ANGPT1: variants seen among roughly 807,000 people sequenced by gnomAD.
The protein encoded by ANGPT1 is angiopoietin 1.
ANGPT1 carries 17 observed loss-of-function variants against 62.2 expected under a neutral mutation model. The observed-to-expected ratio is 0.27, with a 90% CI of 0.19 to 0.41. ANGPT1 has a LOEUF of 0.41. ANGPT1 is among the 10% of genes least tolerant of loss of function. The pLI is 1.00. For synonymous variants in ANGPT1, 199 were observed against 198.9 expected (o/e 1.00, Z 0.00); for missense variants, 478 against 594.9 (o/e 0.80, Z 2.04).
At chr8:107,282,908 C>T (rs62512817) in intron 7 of ANGPT1, among the ~76,000 whole-genome samples, 44,257 of 151,670 alleles carry the variant, frequency 0.29, 7,432 homozygotes, top group Admixed American at 0.4. Flanking sequence ...TCATACACTC[C>T]GAAGTGCACC....
At chr8:107,261,002 T>C (rs1813477281) in intron 8 of ANGPT1, among the ~76,000 whole-genome samples, 1 of 152,222 alleles carries the variant, frequency 6.6e-6, no homozygotes, top group South Asian at 2.1e-4. Flanking sequence ...AATATGAACA[T>C]ATTGGAATAC....
At chr8:107,470,151 T>C (rs1319113198) in intron 1 of ANGPT1, among the ~76,000 whole-genome samples, 1 of 136,552 alleles carries the variant, frequency 7.3e-6, no homozygotes, top group East Asian at 2.3e-4. Context: ...GAATATTTTG[T>C]TTTACAATAA....
intron 1 of ANGPT1, among the ~76,000 whole-genome samples, chr8:107,437,661 A>C (rs1441824538): frequency 1.3e-5 from 2 of 152,178 alleles, no homozygotes; most frequent in Non-Finnish European, 2.9e-5. Flanking sequence ...GGCTCTATTA[A>C]ACATGCTAAA....
intron 1 of ANGPT1, among the ~76,000 whole-genome samples, chr8:107,404,595 C>G (rs1198472841): frequency 6.6e-6 from 1 of 152,018 alleles, no homozygotes; most frequent in Non-Finnish European, 1.5e-5. Context: ...AAACATTCTT[C>G]TTTTGATGGA....
In ANGPT1 at chr8:107,313,429, G is replaced by GTTTT. The variant is rs71308720; in HGVS notation, c.808+8463_808+8466dup. Among the ~76,000 whole-genome samples, 474 of 64,196 alleles carry GTTTT rather than the reference G, an allele frequency of 7.4e-3. 128 individuals are homozygous for GTTTT. Among genetic ancestry groups the GTTTT allele is most frequent in the East Asian group, 0.012 (22 of 1,830 alleles). The allele number at this position is 64,196 out of a possible 152,430, so 42.1% of individuals were successfully genotyped here. On this transcript the variant is annotated intron_variant, in intron 4 of 8. Transcript: ENST00000517746. ...TAGGAAGCTAAAAATGTTACTAGTTGTTTTTTTTTTTTTTTTTTTTTTTTT... is the reference window on the plus strand; with the variant it reads ...TAGGAAGCTAAAAATGTTACTAGTTGTTTTTTTTTTTTTTTTTTTTTTTTTTTTT...
At chr8:107,476,560 A>T (rs62514480) in intron 1 of ANGPT1, among the ~76,000 whole-genome samples, 7,975 of 152,182 alleles carry the variant, frequency 0.052, 241 homozygotes, top group South Asian at 0.11. Context: ...CACGTTGTGC[A>T]CACGTACCCT....
intron 5 of ANGPT1, among the ~76,000 whole-genome samples, chr8:107,296,593 T>C (rs1814422791): frequency 6.6e-6 from 1 of 152,022 alleles, no homozygotes; most frequent in Admixed American, 6.6e-5. Context: ...AGGTGGTGAT[T>C]CAAGAGAAGT....
chr8:107,443,624 C>G (rs1166050209), intron 1 of ANGPT1, among the ~76,000 whole-genome samples: 1 of 147,074 alleles, frequency 6.8e-6, no homozygotes, highest in African/African-American at 2.5e-5. Context: ...GCCTGACCAA[C>G]ATGGAGAAAT....
chr8:107,377,820 G>A (rs1307812900), intron 1 of ANGPT1, among the ~76,000 whole-genome samples: 1 of 152,078 alleles, frequency 6.6e-6, no homozygotes, highest in Non-Finnish European at 1.5e-5. Context: ...AAACAGATGA[G>A]TGCATTGAAT....
intron 1 of ANGPT1, among the ~76,000 whole-genome samples, chr8:107,463,236 A>G (rs1051454651): frequency 2.6e-5 from 4 of 152,238 alleles, no homozygotes; most frequent in Admixed American, 2.6e-4. Flanking sequence ...GCCCACAAGA[A>G]GCTGAATCCG....
At chr8:107,442,875 A>G (rs776720358) in intron 1 of ANGPT1, among the ~76,000 whole-genome samples, 4 of 152,202 alleles carry the variant, frequency 2.6e-5, no homozygotes, top group Admixed American at 6.5e-5. Context: ...TTTTTTCTGC[A>G]TAGAGCAAAT....
chr8:107,263,743 T>C (rs1284360654), intron 8 of ANGPT1, among the ~76,000 whole-genome samples: 2 of 152,240 alleles, frequency 1.3e-5, no homozygotes, highest in Non-Finnish European at 2.9e-5. Context: ...TATTATGTAA[T>C]GCAAAACTCT....
chr8:107,384,241 G>C (rs1816692151), intron 1 of ANGPT1, among the ~76,000 whole-genome samples: 1 of 152,048 alleles, frequency 6.6e-6, no homozygotes, highest in Non-Finnish European at 1.5e-5. Flanking sequence ...GGTTGGCATG[G>C]TTTTGTTGAT....
rs538470069 is a variant in ANGPT1 at position 107,457,445 on chromosome 8, T to C, written c.297+39817A>G. On this transcript the variant is annotated intron_variant, in intron 1 of 8. Transcript: ENST00000517746. ...AAAATTAAACATCAGTGGAATAAAT[T>C]ATAATAAAGATTATCAGTTAACTTA... Among the ~76,000 whole-genome samples the C allele has an allele frequency of 3.9e-5, 6 of 152,142 alleles. No homozygotes were observed. The South Asian group carries it at 1.2e-3, about 32-fold the overall frequency.
chr8:107,435,273 C>G (rs1811303544), intron 1 of ANGPT1, among the ~76,000 whole-genome samples: 1 of 152,142 alleles, frequency 6.6e-6, no homozygotes, highest in Admixed American at 6.5e-5. Flanking sequence ...CCCCCAAAAG[C>G]TGTTAAAGAA....
chr8:107,267,610 C>T (rs903228608), intron 7 of ANGPT1, among the ~76,000 whole-genome samples: 1 of 152,092 alleles, frequency 6.6e-6, no homozygotes, highest in African/African-American at 2.4e-5. Context: ...TCTTCTTCCC[C>T]TTCCCCATGA....
intron 7 of ANGPT1, among the ~76,000 whole-genome samples, chr8:107,271,280 A>C (rs1813727976): frequency 1.3e-5 from 2 of 152,062 alleles, no homozygotes; most frequent in Admixed American, 6.6e-5. Flanking sequence ...TATTTTGTGA[A>C]GATTAAATGA....
chr8:107,287,882 T>C (rs1408987152), intron 6 of ANGPT1, among the ~76,000 whole-genome samples: 1 of 152,176 alleles, frequency 6.6e-6, no homozygotes, highest in Non-Finnish European at 1.5e-5. Context: ...ATTGATAATA[T>C]AACCGAAGCA....
At chr8:107,261,710 A>C (rs1813496162) in intron 8 of ANGPT1, among the ~76,000 whole-genome samples, 1 of 152,010 alleles carries the variant, frequency 6.6e-6, no homozygotes, top group Non-Finnish European at 1.5e-5. Context: ...ATCTAAAAAA[A>C]AAAAAAGAAA....
Sources: allele counts gnomAD v4.1 joint callset (sites outside exome capture counted in the v4.1 genomes callset), GRCh38; gene constraint gnomAD v4.1.1; transcripts MANE v1.5; gene names NCBI Gene and HGNC (gene_info 2026-07-23, HGNC 2026-07-21).